ASIC2: variants seen among roughly 807,000 people sequenced by gnomAD.
ASIC2 encodes the protein acid-sensing ion channel 2.
In ASIC2, 25 loss-of-function variants were observed where a neutral mutation model predicts 57.3. The ratio of observed to expected loss-of-function variants is 0.44; its 90% CI spans 0.32 to 0.61. The LOEUF is 0.61. Among genes scored for constraint, ASIC2 ranks in the 20% least tolerant of loss-of-function variants. The probability of loss-of-function intolerance (pLI) is 0.06; values close to 1 mark genes in which losing one functional copy is unlikely to be tolerated. For missense variants in ASIC2, 641 were observed against 738.1 expected (o/e 0.87, Z 1.52); for synonymous variants, 319 against 307.5 (o/e 1.04, Z -0.39).
chr17:33,672,588 A>C (rs1735030825), intron 1 of ASIC2, among the ~76,000 whole-genome samples: 1 of 152,214 alleles, frequency 6.6e-6, no homozygotes, highest in Admixed American at 6.5e-5. Context: ...CGCTTGGATT[A>C]GGATGGACTT....
chr17:33,399,979 T>C (rs530038865), intron 1 of ASIC2, among the ~76,000 whole-genome samples: 2 of 152,168 alleles, frequency 1.3e-5, no homozygotes, highest in Admixed American at 6.5e-5. Context: ...TCTGAGAAGG[T>C]AACAAAATAA....
rs116820238 is a variant in ASIC2 at position 33,532,185 on chromosome 17, G to A, written c.556-420118C>T. Reference sequence around the variant, plus strand: ...GCTGGCACCTCCACGGTTTGCCCTCGGCAAGCGCCTGATGCCTAACCAACC... The same window carrying A: ...GCTGGCACCTCCACGGTTTGCCCTCAGCAAGCGCCTGATGCCTAACCAACC... On this transcript the variant is annotated intron_variant, in intron 1 of 9. Coordinates refer to the ASIC2 transcript ENST00000359872. Among the ~76,000 whole-genome samples the A allele has an allele frequency of 7.9e-3, 1,198 of 152,216 alleles. 11 individuals are homozygous for A. Among genetic ancestry groups the A allele is most frequent in the African/African-American group, 0.018 (727 of 41,526 alleles).
At chr17:34,150,412 A>G (rs1465158155) in intron 1 of ASIC2, among the ~76,000 whole-genome samples, 2 of 152,216 alleles carry the variant, frequency 1.3e-5, no homozygotes, top group African/African-American at 4.8e-5. Context: ...TCCCCCCAAG[A>G]AAATGGTAAG....
At chr17:33,823,387 T>C (rs1339878735) in intron 1 of ASIC2, among the ~76,000 whole-genome samples, 1 of 152,142 alleles carries the variant, frequency 6.6e-6, no homozygotes, top group African/African-American at 2.4e-5. Flanking sequence ...AAAGTCAAGA[T>C]AAGTTTGGAA....
intron 1 of ASIC2, among the ~76,000 whole-genome samples, chr17:33,907,273 C>A (rs946680936): frequency 1.3e-5 from 2 of 152,190 alleles, no homozygotes; most frequent in Admixed American, 6.5e-5. Context: ...GGCGATAAGA[C>A]AACTCCAGCA....
chr17:34,151,125 A>AAAAAAG (rs56390397), intron 1 of ASIC2, among the ~76,000 whole-genome samples: 6 of 147,234 alleles, frequency 4.1e-5, no homozygotes, highest in Non-Finnish European at 4.5e-5. Context: ...AAAAAAAAAA[A>AAAAAAG]TAAAGAGGTA....
chr17:34,045,310 C>G (rs139673722), intron 1 of ASIC2, among the ~76,000 whole-genome samples: 1 of 152,316 alleles, frequency 6.6e-6, no homozygotes, highest in Non-Finnish European at 1.5e-5. Context: ...CAATGTGAGC[C>G]AGAGTTATGC....
intron 1 of ASIC2, among the ~76,000 whole-genome samples, chr17:33,289,504 G>T (rs1007461797): frequency 2.6e-5 from 4 of 152,180 alleles, no homozygotes; most frequent in African/African-American, 4.8e-5. Context: ...AGGAGTAGAG[G>T]TGGGGGAGAG....
intron 3 of ASIC2, among the ~76,000 whole-genome samples, chr17:33,070,631 C>T (rs115567102): frequency 0.017 from 2,540 of 152,230 alleles, 63 homozygotes; most frequent in Middle Eastern, 0.061. Context: ...CCACCACGCC[C>T]AGCCTTTTGC....
At chr17:33,637,362 C>T (rs1290006682) in intron 1 of ASIC2, among the ~76,000 whole-genome samples, 1 of 151,906 alleles carries the variant, frequency 6.6e-6, no homozygotes, top group African/African-American at 2.4e-5. Context: ...ACTCTGGGCA[C>T]CTCCAAGCTC....
intron 3 of ASIC2, 138 bp from the exon 4 acceptor site, chr17:33,028,530 A>G: frequency 9.0e-7 from 1 of 1,111,056 alleles, no homozygotes; most frequent in Non-Finnish European, 1.3e-6. Flanking sequence ...TGGCTCCAAT[A>G]CTAGTTTTCT....
At chr17:34,010,412 T>G (rs545639269) in intron 1 of ASIC2, among the ~76,000 whole-genome samples, 1 of 152,284 alleles carries the variant, frequency 6.6e-6, no homozygotes, top group East Asian at 1.9e-4. Flanking sequence ...TCCTGGGTGC[T>G]CAAGCTGTGC....
At chr17:33,927,977 C>T (rs1915857618) in intron 1 of ASIC2, among the ~76,000 whole-genome samples, 1 of 152,150 alleles carries the variant, frequency 6.6e-6, no homozygotes, top group Non-Finnish European at 1.5e-5. Flanking sequence ...TATTTGTCCG[C>T]TAATTTTGCT....
At chr17:33,542,878 A>C (rs956236662) in intron 1 of ASIC2, among the ~76,000 whole-genome samples, 3 of 151,406 alleles carry the variant, frequency 2.0e-5, no homozygotes, top group African/African-American at 7.3e-5. Flanking sequence ...TTATGGTTTT[A>C]GGTCTAACGT....
At chr17:34,137,553 G>A (rs76933476) in intron 1 of ASIC2, among the ~76,000 whole-genome samples, 13,870 of 152,194 alleles carry the variant, frequency 0.091, 887 homozygotes, top group Non-Finnish European at 0.14. Context: ...AGGGCTCCTG[G>A]GCACAGTCTT....
At chr17:33,735,498 A>C (rs997677791) in intron 1 of ASIC2, among the ~76,000 whole-genome samples, 2 of 152,218 alleles carry the variant, frequency 1.3e-5, no homozygotes, top group African/African-American at 4.8e-5. Flanking sequence ...GGAAAAATAC[A>C]TATGTTAGAG....
intron 2 of ASIC2, among the ~76,000 whole-genome samples, chr17:33,109,191 A>G (rs2092246969): frequency 6.6e-6 from 1 of 152,164 alleles, no homozygotes. Flanking sequence ...AATCACCACT[A>G]AAGAACTTAT....
At chr17:33,278,190 C>A (rs1042954821) in intron 1 of ASIC2, among the ~76,000 whole-genome samples, 11 of 148,506 alleles carry the variant, frequency 7.4e-5, no homozygotes, top group African/African-American at 2.8e-4. Flanking sequence ...CTATCAGATG[C>A]CCTTATTCAT....
At chr17:33,441,868 C>G (rs1349877359) in intron 1 of ASIC2, among the ~76,000 whole-genome samples, 2 of 152,164 alleles carry the variant, frequency 1.3e-5, no homozygotes, top group Non-Finnish European at 2.9e-5. Context: ...CCTCCTCCGT[C>G]AAATAAAACT....
Sources: allele counts gnomAD v4.1 joint callset (sites outside exome capture counted in the v4.1 genomes callset), GRCh38; gene constraint gnomAD v4.1.1; transcripts MANE v1.5; gene names NCBI Gene and HGNC (gene_info 2026-07-23, HGNC 2026-07-21).